CCBE1: variants seen among roughly 807,000 people sequenced by gnomAD.
CCBE1 encodes collagen and calcium-binding EGF domain-containing protein 1.
Under a neutral mutation model 50.0 loss-of-function variants are expected in CCBE1, and 37 were observed. That is an observed-to-expected ratio of 0.74 (90% CI 0.57 to 0.97). The LOEUF is 0.97. CCBE1 is among the 50% of genes least tolerant of loss of function. The pLI, the probability that CCBE1 is intolerant of heterozygous loss-of-function variation, is 0.00. For synonymous variants in CCBE1, 234 were observed against 203.7 expected, an observed-to-expected ratio of 1.15 and a Z score of -1.27; for missense variants, 538 against 523.8, an observed-to-expected ratio of 1.03 and a Z score of -0.26.
At chr18:59,495,751 C>T (rs114787648) in intron 2 of CCBE1, among the ~76,000 whole-genome samples, 113 of 152,192 alleles carry the variant, frequency 7.4e-4, no homozygotes, top group African/African-American at 2.5e-3. Flanking sequence ...AGATGTGGCA[C>T]GCACAGTAAG....
At chr18:59,690,356 G>T (rs1189600715) in intron 2 of CCBE1, among the ~76,000 whole-genome samples, 3 of 152,048 alleles carry the variant, frequency 2.0e-5, no homozygotes, top group Non-Finnish European at 2.9e-5. Flanking sequence ...TTTTCATCCC[G>T]CAAATAAAAG....
intron 6 of CCBE1, among the ~76,000 whole-genome samples, chr18:59,453,206 T>C (rs899075708): frequency 3.3e-5 from 5 of 152,148 alleles, no homozygotes; most frequent in African/African-American, 1.2e-4. Context: ...GGAAGGAAAG[T>C]GAGGGTAGCT....
chr18:59,490,010 G>A (rs1370470673), intron 2 of CCBE1, among the ~76,000 whole-genome samples: 1 of 110,638 alleles, frequency 9.0e-6, no homozygotes, highest in Non-Finnish European at 1.7e-5. Flanking sequence ...TTTTTGAGAT[G>A]GAGTTTCCTT....
At chr18:59,560,818 G>T (rs2052725647) in intron 2 of CCBE1, among the ~76,000 whole-genome samples, 1 of 152,174 alleles carries the variant, frequency 6.6e-6, no homozygotes, top group African/African-American at 2.4e-5. Flanking sequence ...CGACTCCCCG[G>T]ACAGGGACGG....
At chr18:59,684,610 T>C (rs948232377) in intron 2 of CCBE1, among the ~76,000 whole-genome samples, 6 of 152,254 alleles carry the variant, frequency 3.9e-5, no homozygotes, top group African/African-American at 9.6e-5. Flanking sequence ...GGGGTACCTC[T>C]ATACACAAAA....
chr18:59,634,073 G>A (rs2053887007), intron 2 of CCBE1, among the ~76,000 whole-genome samples: 1 of 152,152 alleles, frequency 6.6e-6, no homozygotes, highest in African/African-American at 2.4e-5. Flanking sequence ...ACATACTAGG[G>A]ACCTGAATCC....
chr18:59,596,187 A>G lies in CCBE1; in HGVS notation c.212+100442T>C, dbSNP rs117713045. Reference sequence around the variant, plus strand: ...TAAAGGAAGCAGAGTCTCTTTTTCAAAAGTGTAGCTCAAACCATTTCAGTG... The same window carrying G: ...TAAAGGAAGCAGAGTCTCTTTTTCAGAAGTGTAGCTCAAACCATTTCAGTG... On this transcript the variant is annotated intron_variant, in intron 2 of 10. Coordinates refer to ENST00000439986, the MANE Select transcript of CCBE1 (RefSeq NM_133459.4). Among the ~76,000 whole-genome samples the G allele has an allele frequency of 3.1e-3, 475 of 152,286 alleles. 1 individual carries two copies. Among genetic ancestry groups the G allele is most frequent in the Admixed American group, 7.5e-3 (114 of 15,294 alleles).
Position 59,604,250 on chromosome 18 carries a change from TA to T in CCBE1, c.212+92378del, listed in dbSNP as rs139490798. On this transcript the variant is annotated intron_variant, in intron 2 of 10. Coordinates refer to ENST00000439986, the MANE Select transcript of CCBE1 (RefSeq NM_133459.4). ...AGGAAGCAGCATGCTACCCTCTTCATAGGTTCAAGACAAGACACAGAGGTTT... is the reference window on the plus strand; with the variant it reads ...AGGAAGCAGCATGCTACCCTCTTCATGGTTCAAGACAAGACACAGAGGTTT... Among the ~76,000 whole-genome samples the T allele has an allele frequency of 3.9e-3, 592 of 152,270 alleles. 10 individuals are homozygous for T. The highest frequency in any genetic ancestry group is 0.037 in the East Asian group (192 of 5,178).
chr18:59,496,630 T>A (rs1291406779), intron 2 of CCBE1, among the ~76,000 whole-genome samples: 1 of 152,200 alleles, frequency 6.6e-6, no homozygotes, highest in Non-Finnish European at 1.5e-5. Context: ...CTGAAAATAT[T>A]CAACTTTATT....
At chr18:59,549,371 C>G (rs1382408694) in intron 2 of CCBE1, among the ~76,000 whole-genome samples, 1 of 152,100 alleles carries the variant, frequency 6.6e-6, no homozygotes, top group East Asian at 1.9e-4. Context: ...AGGTCAAACT[C>G]CAGTTTGAAG....
At chr18:59,436,734 C>A (rs983321151) in intron 10 of CCBE1, among the ~76,000 whole-genome samples, 1 of 151,962 alleles carries the variant, frequency 6.6e-6, no homozygotes, top group East Asian at 1.9e-4. Context: ...TTTGGGAGGC[C>A]GAGGTGGATG....
intron 10 of CCBE1, among the ~76,000 whole-genome samples, chr18:59,437,085 C>A (rs969228516): frequency 1.3e-5 from 2 of 152,192 alleles, no homozygotes; most frequent in Non-Finnish European, 2.9e-5. Flanking sequence ...GACGTCAACT[C>A]CTCGTTGACT....
At chr18:59,589,114 T>A (rs1368013665) in intron 2 of CCBE1, among the ~76,000 whole-genome samples, 2 of 152,118 alleles carry the variant, frequency 1.3e-5, no homozygotes, top group African/African-American at 2.4e-5. Context: ...AACTCAACCC[T>A]TGGGGATCCC....
chr18:59,625,107 G>A (rs1199319278), intron 2 of CCBE1, among the ~76,000 whole-genome samples: 1 of 152,152 alleles, frequency 6.6e-6, no homozygotes, highest in Non-Finnish European at 1.5e-5. Flanking sequence ...CTGCTATAAA[G>A]ACAAGGTAAG....
At chr18:59,454,988 C>G (rs747681216) in intron 5 of CCBE1, 37 bp from the exon 6 acceptor site, 1 of 1,550,516 alleles carries the variant, frequency 6.4e-7, no homozygotes, top group South Asian at 1.1e-5. Flanking sequence ...GTCTGGGAGG[C>G]TGGATGCAAG....
chr18:59,668,620 T>G (rs570297032), intron 2 of CCBE1, among the ~76,000 whole-genome samples: 1 of 152,134 alleles, frequency 6.6e-6, no homozygotes, highest in South Asian at 2.1e-4. Context: ...TTAGGTTTTG[T>G]TCAGTTTATA....
rs1266953804 is a variant in CCBE1 at position 59,469,554 on chromosome 18, C to T, written c.319G>A (p.Gly107Ser). Residue 107 changes from glycine to serine, a missense_variant, in exon 4 of 11, where the codon GGC becomes AGC. Transcript: ENST00000439986. ...GGATAACAAGTACACAGCACTCGGC[C>T]AAAGTTGTCCGTGCACTGCTGTTCA... ...PCEQQCTDNF[G>S]RVLCTCYPGY... The T allele has an allele frequency of 6.2e-7, 1 of 1,614,202 alleles. No homozygotes were observed. Among genetic ancestry groups the T allele is most frequent in the Non-Finnish European group, 8.5e-7 (1 of 1,180,038 alleles).
chr18:59,571,109 A>G (rs1051880402), intron 2 of CCBE1, among the ~76,000 whole-genome samples: 6 of 152,190 alleles, frequency 3.9e-5, no homozygotes, highest in African/African-American at 1.2e-4. Context: ...TTGGGTCAAC[A>G]GTAGAGCAAG....
At chr18:59,523,828 C>A (rs754026900) in intron 2 of CCBE1, among the ~76,000 whole-genome samples, 1 of 152,152 alleles carries the variant, frequency 6.6e-6, no homozygotes, top group Admixed American at 6.5e-5. Flanking sequence ...CTCTGCACTG[C>A]ACAATGTCAC....
Sources: gnomAD v4.1 joint callset for allele counts (sites outside exome capture counted in the v4.1 genomes callset) on GRCh38, gnomAD v4.1.1 for gene constraint, MANE v1.5 for transcripts, NCBI Gene and HGNC (gene_info 2026-07-23, HGNC 2026-07-21) for gene names.